The following CHCHD6 variants were observed in gnomAD, a reference collection of about 807,000 sequenced individuals.
The protein encoded by CHCHD6 is coiled-coil-helix-coiled-coil-helix domain containing 6, also known as MICOS complex subunit MIC25.
CHCHD6 carries 28 observed loss-of-function variants against 32.3 expected under a neutral mutation model. The observed-to-expected ratio is 0.87, with a 90% CI of 0.64 to 1.19. The LOEUF is 1.19. Ranked by LOEUF, CHCHD6 falls within the 50% of genes most tolerant of loss-of-function variation. The pLI, the probability that CHCHD6 is intolerant of heterozygous loss-of-function variation, is 0.00. For synonymous variants in CHCHD6, 122 were observed against 117.5 expected (o/e 1.04, Z -0.25); for missense variants, 333 against 307.0 (o/e 1.08, Z -0.63).
rs116069695 is a variant in CHCHD6 at position 126,774,199 on chromosome 3, G to A, written c.411+40977G>A. 7.3e-3 allele frequency among the ~76,000 whole-genome samples: 1,112 copies of A among 152,248 alleles called. 12 individuals carry two copies. Among genetic ancestry groups the A allele is most frequent in the African/African-American group, 0.025 (1,049 of 41,554 alleles). On this transcript the variant is annotated intron_variant, in intron 4 of 7. Transcript: ENST00000290913. Reference sequence around the variant, plus strand: ...AATTCACACGTTAAGTGCTCAGGTTGGTGATTTTGCTGAGTGTAACATGTA... The same window carrying A: ...AATTCACACGTTAAGTGCTCAGGTTAGTGATTTTGCTGAGTGTAACATGTA...
intron 4 of CHCHD6, among the ~76,000 whole-genome samples, chr3:126,841,005 T>C (rs1015130430): frequency 4.6e-5 from 7 of 152,210 alleles, no homozygotes; most frequent in Admixed American, 2.0e-4. Context: ...TAATTTGTCA[T>C]CTAGCATTAG....
At chr3:126,926,209 G>A (rs1363292936) in intron 6 of CHCHD6, among the ~76,000 whole-genome samples, 1 of 152,204 alleles carries the variant, frequency 6.6e-6, no homozygotes, top group Non-Finnish European at 1.5e-5. Context: ...GGGAGGCCCA[G>A]GGACAATACA....
chr3:126,710,259 A>G (rs1426804667), intron 1 of CHCHD6, among the ~76,000 whole-genome samples: 1 of 152,180 alleles, frequency 6.6e-6, no homozygotes, highest in African/African-American at 2.4e-5. Flanking sequence ...ACATAAATTT[A>G]GGGTTTATTT....
At chr3:126,828,748 C>T (rs1008968277) in intron 4 of CHCHD6, among the ~76,000 whole-genome samples, 2 of 152,192 alleles carry the variant, frequency 1.3e-5, no homozygotes, top group Non-Finnish European at 2.9e-5. Context: ...GGTCTACCTG[C>T]CTTTCAGGAG....
At chr3:126,862,644 TTCCACCATCACCACCTCCCCCTCC>T (rs2107559451) in intron 5 of CHCHD6, among the ~76,000 whole-genome samples, 1 of 3,510 alleles carries the variant, frequency 2.8e-4, no homozygotes, top group Admixed American at 2.5e-3. Flanking sequence ...CCTCACCCTC[TTCCACCATCACCACCTCCCCCTCC>T]TCCACCATCA....
chr3:126,816,010 T>C (rs1939880638), intron 4 of CHCHD6, among the ~76,000 whole-genome samples: 2 of 152,156 alleles, frequency 1.3e-5, no homozygotes, highest in Admixed American at 6.5e-5. Flanking sequence ...AAGGTGTCTA[T>C]TGACATCCAT....
At chr3:126,782,682 C>T (rs1938003989) in intron 4 of CHCHD6, among the ~76,000 whole-genome samples, 2 of 152,206 alleles carry the variant, frequency 1.3e-5, no homozygotes, top group Admixed American at 1.3e-4. Flanking sequence ...TAGAATGAAT[C>T]AGCTCCAGCG....
intron 6 of CHCHD6, 136 bp from the exon 7 acceptor site, chr3:126,957,280 G>A (rs879109294): frequency 1.0e-6 from 1 of 960,968 alleles, no homozygotes; most frequent in South Asian, 1.5e-5. Context: ...GCTTCTCCTT[G>A]AGGGTTAAAA....
At chr3:126,846,895 CAAAAT>C (rs1050473619) in intron 4 of CHCHD6, among the ~76,000 whole-genome samples, 3 of 152,054 alleles carry the variant, frequency 2.0e-5, no homozygotes, top group African/African-American at 4.8e-5. Context: ...TTTGTGTAAA[CAAAAT>C]AAAACAGTAG....
At chr3:126,786,717 G>A (rs1421858739) in intron 4 of CHCHD6, among the ~76,000 whole-genome samples, 2 of 152,138 alleles carry the variant, frequency 1.3e-5, no homozygotes, top group African/African-American at 4.8e-5. Context: ...GTAGATTCTG[G>A]ATATTAGTCC....
At chr3:126,725,086 T>G (rs1201022112) in intron 1 of CHCHD6, among the ~76,000 whole-genome samples, 1 of 152,240 alleles carries the variant, frequency 6.6e-6, no homozygotes, top group Non-Finnish European at 1.5e-5. Flanking sequence ...ATGTTCTTAA[T>G]GGCATCAGAA....
At chr3:126,855,890 A>T (rs1941650048) in intron 5 of CHCHD6, among the ~76,000 whole-genome samples, 1 of 152,202 alleles carries the variant, frequency 6.6e-6, no homozygotes, top group Admixed American at 6.5e-5. Flanking sequence ...TGGCAGTGGG[A>T]TGGACAGGAG....
At chr3:126,799,166 A>G (rs533732345) in intron 4 of CHCHD6, among the ~76,000 whole-genome samples, 71 of 152,300 alleles carry the variant, frequency 4.7e-4, no homozygotes, top group African/African-American at 1.7e-3. Flanking sequence ...CGGAATCTCT[A>G]GCATTCAGCC....
intron 5 of CHCHD6, among the ~76,000 whole-genome samples, chr3:126,886,705 G>A (rs116403683): frequency 1.6e-3 from 251 of 152,318 alleles, no homozygotes; most frequent in Non-Finnish European, 2.8e-3. Flanking sequence ...AGGAATCGAA[G>A]GAAGAAGCAA....
chr3:126,728,108 CTGTTGGGTTG>C (rs1559807773), intron 2 of CHCHD6, among the ~76,000 whole-genome samples: 2 of 152,132 alleles, frequency 1.3e-5, no homozygotes, highest in Non-Finnish European at 2.9e-5. Flanking sequence ...CTCATCTTCC[CTGTTGGGTTG>C]AAAGAGTTTA....
chr3:126,911,791 G>A (rs1011805010), intron 5 of CHCHD6, among the ~76,000 whole-genome samples: 7 of 152,232 alleles, frequency 4.6e-5, no homozygotes, highest in African/African-American at 1.7e-4. Context: ...AGTGTCTACT[G>A]AAGCCCACAG....
chr3:126,797,052 G>A (rs773614228), intron 4 of CHCHD6, among the ~76,000 whole-genome samples: 11 of 152,118 alleles, frequency 7.2e-5, no homozygotes, highest in South Asian at 4.1e-4. Context: ...TGGATGAACC[G>A]CATCTGGCCT....
At chr3:126,737,440 A>G (rs1448799115) in intron 4 of CHCHD6, among the ~76,000 whole-genome samples, 2 of 150,328 alleles carry the variant, frequency 1.3e-5, no homozygotes, top group African/African-American at 2.4e-5. Context: ...GCACACACAC[A>G]TACTCTGTAT....
At chr3:126,741,175 A>G (rs1315626615) in intron 4 of CHCHD6, among the ~76,000 whole-genome samples, 1 of 152,216 alleles carries the variant, frequency 6.6e-6, no homozygotes, top group Non-Finnish European at 1.5e-5. Context: ...GACGGCCTCC[A>G]TCACTGTGGT....
Sources: gnomAD v4.1 joint callset for allele counts (sites outside exome capture counted in the v4.1 genomes callset) on GRCh38, gnomAD v4.1.1 for gene constraint, MANE v1.5 for transcripts, NCBI Gene and HGNC (gene_info 2026-07-23, HGNC 2026-07-21) for gene names.